Variants in F13A1 observed in about 807,000 individuals in gnomAD.
F13A1 encodes the protein FSF, A subunit.
F13A1 carries 47 observed loss-of-function variants against 80.1 expected under a neutral mutation model. That is an observed-to-expected ratio of 0.59 (90% confidence interval 0.46 to 0.75). The LOEUF (loss-of-function observed/expected upper bound fraction) is 0.75. Ranked by LOEUF, F13A1 falls within the 30% of genes least tolerant of loss-of-function variation. The pLI, the probability that F13A1 is intolerant of heterozygous loss-of-function variation, is 0.00. For missense variants in F13A1, 817 were observed against 930.4 expected (o/e 0.88, Z 1.59); for synonymous variants, 349 against 344.9 (o/e 1.01, Z -0.13).
chr6:6,237,873 G>T (rs1757432892), intron 6 of F13A1, among the ~76,000 whole-genome samples: 1 of 152,200 alleles, frequency 6.6e-6, no homozygotes, highest in Non-Finnish European at 1.5e-5. Context: ...CTGGAAGATG[G>T]CTATAGGCTA....
chr6:6,182,264 A>G, intron 10 of F13A1, 123 bp from the exon 11 acceptor site: 1 of 1,036,122 alleles, frequency 9.7e-7, no homozygotes, highest in Non-Finnish European at 1.5e-6. Flanking sequence ...CTTCAACAAC[A>G]TTGGATTCGT....
intron 3 of F13A1, among the ~76,000 whole-genome samples, chr6:6,300,426 G>C (rs2113174785): frequency 6.6e-6 from 1 of 151,888 alleles, no homozygotes; most frequent in East Asian, 1.9e-4. Flanking sequence ...TGATCCAGGT[G>C]CGGGATATAA....
At chr6:6,210,690 G>A (rs1761592082) in intron 8 of F13A1, among the ~76,000 whole-genome samples, 1 of 149,174 alleles carries the variant, frequency 6.7e-6, no homozygotes, top group Non-Finnish European at 1.5e-5. Context: ...CACCTCACCA[G>A]GCCGTGAAGC....
Position 6,294,756 on chromosome 6 carries a change from T to C in F13A1, c.319+10595A>G, listed in dbSNP as rs544447965. On this transcript the variant is annotated intron_variant, in intron 3 of 14. Transcript: ENST00000264870. ...TTTTAAAAATTTATTTATTTATTAT[T>C]ATAATACTTTAAGTTTTAGGGTACA... Among the ~76,000 whole-genome samples the C allele has an allele frequency of 2.0e-5, 3 of 151,976 alleles. No individual in the cohort carries two copies. The East Asian group carries it at 5.8e-4, about 29-fold the overall frequency.
chr6:6,271,771 A>G (rs921832488), intron 3 of F13A1, among the ~76,000 whole-genome samples: 4 of 152,238 alleles, frequency 2.6e-5, no homozygotes, highest in Admixed American at 6.5e-5. Context: ...TCCATTTGTG[A>G]ATTATTATTG....
At chr6:6,154,895 A>G (rs1321516645) in intron 13 of F13A1, among the ~76,000 whole-genome samples, 1 of 152,232 alleles carries the variant, frequency 6.6e-6, no homozygotes, top group South Asian at 2.1e-4. Flanking sequence ...AGTGTTTGCT[A>G]TGATCACTAT....
chr6:6,283,891 G>A (rs1463436534), intron 3 of F13A1, among the ~76,000 whole-genome samples: 1 of 152,162 alleles, frequency 6.6e-6, no homozygotes, highest in African/African-American at 2.4e-5. Context: ...AGAACTAACT[G>A]CTGAGGAGCA....
At chr6:6,317,664 G>T (rs568342928) in intron 2 of F13A1, among the ~76,000 whole-genome samples, 5 of 152,056 alleles carry the variant, frequency 3.3e-5, no homozygotes, top group Non-Finnish European at 1.5e-5. Flanking sequence ...GAGGGGAATC[G>T]ACCACACAGC....
At chr6:6,203,441 G>T (rs1171612764) in intron 8 of F13A1, among the ~76,000 whole-genome samples, 5 of 152,230 alleles carry the variant, frequency 3.3e-5, no homozygotes, top group Non-Finnish European at 5.9e-5. Flanking sequence ...AGCCTTTTAA[G>T]TCTGGGTCTA....
chr6:6,204,466 AT>A (rs977302064), intron 8 of F13A1, among the ~76,000 whole-genome samples: 7 of 152,230 alleles, frequency 4.6e-5, no homozygotes, highest in Admixed American at 4.6e-4. Flanking sequence ...TCATTTGTGT[AT>A]TTGTAGCAGA....
chr6:6,180,245 T>C (rs1373961963), intron 11 of F13A1, among the ~76,000 whole-genome samples: 5 of 152,234 alleles, frequency 3.3e-5, no homozygotes, highest in Non-Finnish European at 1.5e-5. Flanking sequence ...AGTGAGCCCA[T>C]CACTAACTTC....
intron 6 of F13A1, among the ~76,000 whole-genome samples, chr6:6,233,655 C>T (rs1583085472): frequency 6.6e-6 from 1 of 151,986 alleles, no homozygotes; most frequent in East Asian, 1.9e-4. Context: ...AAAAAGGAAA[C>T]TACAGACCAA....
intron 7 of F13A1, among the ~76,000 whole-genome samples, chr6:6,223,371 T>G (rs1757227018): frequency 6.6e-6 from 1 of 152,224 alleles, no homozygotes; most frequent in Non-Finnish European, 1.5e-5. Context: ...ATTGTAGGCA[T>G]GGGGAGAACT....
intron 4 of F13A1, among the ~76,000 whole-genome samples, chr6:6,255,075 C>G (rs547543809): frequency 3.3e-5 from 5 of 152,228 alleles, no homozygotes; most frequent in East Asian, 3.9e-4. Context: ...CTCCCTGAAC[C>G]CTTTCCTTTC....
intron 10 of F13A1, among the ~76,000 whole-genome samples, chr6:6,193,735 C>CCTT (rs368271794): frequency 6.6e-6 from 1 of 152,168 alleles, no homozygotes; most frequent in African/African-American, 2.4e-5. Flanking sequence ...TCCTCCTTCT[C>CCTT]CTTCTTTGCA....
At chr6:6,267,734 T>C (rs919530672) in intron 3 of F13A1, among the ~76,000 whole-genome samples, 3 of 141,170 alleles carry the variant, frequency 2.1e-5, no homozygotes, top group Non-Finnish European at 4.7e-5. Flanking sequence ...GTGTTAATGA[T>C]AGATTTAAAA....
intron 6 of F13A1, among the ~76,000 whole-genome samples, chr6:6,244,493 A>G (rs1757529055): frequency 6.6e-6 from 1 of 152,200 alleles, no homozygotes. Flanking sequence ...CTAGATGATG[A>G]GAATACAGGA....
At chr6:6,303,851 T>C (rs900868469) in intron 3 of F13A1, among the ~76,000 whole-genome samples, 3 of 152,212 alleles carry the variant, frequency 2.0e-5, no homozygotes, top group African/African-American at 7.2e-5. Flanking sequence ...TTTTTATGTC[T>C]ATTTCTGGGT....
chr6:6,290,212 T>G (rs538659657), intron 3 of F13A1, among the ~76,000 whole-genome samples: 2 of 152,344 alleles, frequency 1.3e-5, no homozygotes, highest in South Asian at 4.1e-4. Flanking sequence ...TTAACAATTA[T>G]TTTTGAAAAG....
Sources: allele counts gnomAD v4.1 joint callset (sites outside exome capture counted in the v4.1 genomes callset), GRCh38; gene constraint gnomAD v4.1.1; transcripts MANE v1.5; gene names NCBI Gene and HGNC (gene_info 2026-07-23, HGNC 2026-07-21).